The following RAPGEF6 variants were observed in gnomAD, a reference collection of about 807,000 sequenced individuals.
The protein encoded by RAPGEF6 is Rap guanine nucleotide exchange factor 6.
RAPGEF6 carries 56 observed loss-of-function variants against 171.4 expected under a neutral mutation model. The ratio of observed to expected loss-of-function variants is 0.33; its 90% confidence interval spans 0.26 to 0.41. The LOEUF is 0.41. RAPGEF6 is among the 10% of genes least tolerant of loss of function. RAPGEF6 has a pLI of 1.00. For synonymous variants in RAPGEF6, 692 were observed against 650.1 expected (o/e 1.06, Z -0.98); for missense variants, 1,674 against 1,921.4 (o/e 0.87, Z 2.41).
rs754344483 is a variant in RAPGEF6, at chr5:131,479,520, G to C, written c.2074C>G (p.Leu692Val). 1.9e-6 allele frequency: 3 copies of C among 1,613,778 alleles called. No individual in the cohort carries two copies. Among genetic ancestry groups the C allele is most frequent in the East Asian group, 2.2e-5 (1 of 44,834 alleles). The change falls in exon 16 of 28, where the codon CTA becomes GTA. Residue 692 changes from leucine to valine, a missense_variant. By Grantham distance (32) the Leu-to-Val change is conservative (BLOSUM62 1). Around this residue, in one of 3 missense-constraint regions of RAPGEF6, gnomAD observed 1,116 missense variants for 1,321.5 expected, o/e 0.84. Transcript: ENST00000509018. ...KTRFSILPPKLFSDGGLSQSQ... is the reference protein window; with the variant it reads ...KTRFSILPPKVFSDGGLSQSQ... The stretch of plus-strand genomic sequence containing the variant: ...AAGATCGGCATTACCTACCTAAATA[G>C]CTTTGGAGGCAAGATACTAAATCGT...
chr5:131,515,705 A>C (rs892694777), intron 7 of RAPGEF6, among the ~76,000 whole-genome samples: 12 of 152,226 alleles, frequency 7.9e-5, no homozygotes, highest in African/African-American at 2.7e-4. Context: ...AAGACATGGG[A>C]GATAACATGA....
chr5:131,629,661 T>TG (rs1163642138), intron 1 of RAPGEF6, among the ~76,000 whole-genome samples: 1 of 141,048 alleles, frequency 7.1e-6, no homozygotes, highest in Admixed American at 7.3e-5. Flanking sequence ...GAGGCTGAGG[T>TG]GGGGTCACTT....
intron 4 of RAPGEF6, among the ~76,000 whole-genome samples, chr5:131,576,322 C>T (rs538052818): frequency 2.0e-5 from 3 of 152,302 alleles, no homozygotes; most frequent in East Asian, 1.9e-4. Context: ...TGCCCGCTTC[C>T]ACTACCTCTC....
chr5:131,537,087 A>G (rs1232355643), intron 6 of RAPGEF6, among the ~76,000 whole-genome samples: 1 of 152,194 alleles, frequency 6.6e-6, no homozygotes, highest in Non-Finnish European at 1.5e-5. Context: ...GCTATGTCTG[A>G]GTAGTTGTTA....
intron 1 of RAPGEF6, among the ~76,000 whole-genome samples, chr5:131,629,232 C>T (rs1271300425): frequency 6.6e-6 from 1 of 152,104 alleles, no homozygotes; most frequent in Non-Finnish European, 1.5e-5. Flanking sequence ...GTAATCCCAA[C>T]ACTTTGGGAG....
At chr5:131,568,998 G>T (rs1762116834) in intron 4 of RAPGEF6, among the ~76,000 whole-genome samples, 2 of 151,888 alleles carry the variant, frequency 1.3e-5, no homozygotes, top group African/African-American at 4.8e-5. Flanking sequence ...CTATTAAGAA[G>T]AATAAAATAT....
At chr5:131,620,079 G>A (rs1376959260) in intron 1 of RAPGEF6, among the ~76,000 whole-genome samples, 3 of 152,058 alleles carry the variant, frequency 2.0e-5, no homozygotes, top group Admixed American at 1.3e-4. Context: ...AGCTTTCTGC[G>A]GCGGCTGCTT....
chr5:131,512,248 A>C (rs1472399826), intron 7 of RAPGEF6, among the ~76,000 whole-genome samples: 1 of 152,202 alleles, frequency 6.6e-6, no homozygotes, highest in Non-Finnish European at 1.5e-5. Context: ...GTACGGAGCC[A>C]AAAGACCAGA....
intron 4 of RAPGEF6, among the ~76,000 whole-genome samples, chr5:131,578,193 T>C (rs1762718764): frequency 1.3e-5 from 2 of 152,178 alleles, no homozygotes; most frequent in Admixed American, 6.5e-5. Flanking sequence ...GTCCTTTTTT[T>C]TAACTTTTCT....
intron 3 of RAPGEF6, among the ~76,000 whole-genome samples, chr5:131,602,633 T>G (rs1332736871): frequency 6.6e-6 from 1 of 152,082 alleles, no homozygotes; most frequent in East Asian, 1.9e-4. Flanking sequence ...TGGCGGCTAA[T>G]GCCCGTAAAC....
chr5:131,524,804 A>G (rs1337316536), intron 6 of RAPGEF6, among the ~76,000 whole-genome samples: 2 of 152,098 alleles, frequency 1.3e-5, no homozygotes, highest in Non-Finnish European at 1.5e-5. Flanking sequence ...TTAGTACAGA[A>G]GGGGTTTCAC....
chr5:131,614,809 C>G (rs1017856215), intron 1 of RAPGEF6, among the ~76,000 whole-genome samples: 1 of 152,224 alleles, frequency 6.6e-6, no homozygotes, highest in Non-Finnish European at 1.5e-5. Context: ...GCCTGTTTTT[C>G]TAGTATCCCA....
At chr5:131,581,621 C>G (rs1762966719) in intron 4 of RAPGEF6, among the ~76,000 whole-genome samples, 1 of 152,110 alleles carries the variant, frequency 6.6e-6, no homozygotes, top group Admixed American at 6.5e-5. Flanking sequence ...CCCATCACCC[C>G]TCCATACCGC....
At chr5:131,590,467 C>T (rs1763524130) in intron 4 of RAPGEF6, among the ~76,000 whole-genome samples, 1 of 152,126 alleles carries the variant, frequency 6.6e-6, no homozygotes, top group African/African-American at 2.4e-5. Context: ...TGTATTCTGA[C>T]TGAAGAAGCC....
intron 23 of RAPGEF6, among the ~76,000 whole-genome samples, chr5:131,441,642 T>A (rs1441984778): frequency 6.6e-6 from 1 of 152,246 alleles, no homozygotes; most frequent in African/African-American, 2.4e-5. Context: ...AAGTTACCTG[T>A]GTGAGTGTCT....
At chr5:131,560,077 T>C (rs954194655) in intron 5 of RAPGEF6, among the ~76,000 whole-genome samples, 2 of 152,174 alleles carry the variant, frequency 1.3e-5, no homozygotes, top group African/African-American at 4.8e-5. Flanking sequence ...TCATAAAGCA[T>C]TTAAAATTAT....
intron 15 of RAPGEF6, among the ~76,000 whole-genome samples, chr5:131,485,184 C>T (rs1219970639): frequency 6.6e-6 from 1 of 152,104 alleles, no homozygotes; most frequent in African/African-American, 2.4e-5. Flanking sequence ...GCCTCAGCCT[C>T]CTAAATTGCT....
chr5:131,579,160 T>C (rs762890872), intron 4 of RAPGEF6, among the ~76,000 whole-genome samples: 9 of 151,728 alleles, frequency 5.9e-5, no homozygotes, highest in Non-Finnish European at 1.3e-4. Context: ...ACCTCTGGAG[T>C]TGTTCGCTCC....
chr5:131,505,599 A>AAT, intron 9 of RAPGEF6, 77 bp from the exon 10 acceptor site: 1 of 1,273,920 alleles, frequency 7.8e-7, no homozygotes, highest in East Asian at 2.5e-5. Context: ...AGAATCTATC[A>AAT]ATATATATAA....
Sources: allele counts gnomAD v4.1 joint callset (sites outside exome capture counted in the v4.1 genomes callset), GRCh38; gene constraint gnomAD v4.1.1; regional missense constraint gnomAD v4.1.1; transcripts MANE v1.5; gene names NCBI Gene and HGNC (gene_info 2026-07-23, HGNC 2026-07-21).